The following SPINT2 variants were observed in gnomAD, a reference collection of about 807,000 sequenced individuals.
SPINT2 encodes the protein kunitz-type protease inhibitor 2.
A neutral mutation model predicts 30.1 loss-of-function variants in SPINT2; 18 were observed. That is an observed-to-expected ratio of 0.60 (90% CI 0.41 to 0.89). The LOEUF (loss-of-function observed/expected upper bound fraction) is 0.89, where lower values mean the gene tolerates loss of function less well. Ranked by LOEUF, SPINT2 falls within the 40% of genes least tolerant of loss-of-function variation. The probability of loss-of-function intolerance (pLI) is 0.00; values close to 1 mark genes in which losing one functional copy is unlikely to be tolerated. For missense variants in SPINT2, 276 were observed against 334.3 expected, an observed-to-expected ratio of 0.83 and a Z score of 1.36; for synonymous variants, 139 against 137.9, an observed-to-expected ratio of 1.01 and a Z score of -0.05.
At chr19:38,267,364 G>A (rs1191359967) in intron 1 of SPINT2, among the ~76,000 whole-genome samples, 1 of 152,214 alleles carries the variant, frequency 6.6e-6, no homozygotes, top group African/African-American at 2.4e-5. Context: ...GCTCCATGCA[G>A]TGGCTCAGGT....
intron 1 of SPINT2, among the ~76,000 whole-genome samples, chr19:38,275,321 G>A (rs1257404245): frequency 6.6e-6 from 1 of 151,996 alleles, no homozygotes; most frequent in Non-Finnish European, 1.5e-5. Context: ...AGCCAATAGA[G>A]TTTTTCTTTC....
chr19:38,280,963 T>G (rs1220485975), intron 1 of SPINT2, among the ~76,000 whole-genome samples: 1 of 152,202 alleles, frequency 6.6e-6, no homozygotes, highest in African/African-American at 2.4e-5. Flanking sequence ...CAGGGCTCAC[T>G]GTGGCAGGGC....
chr19:38,277,253 TG>T (rs976202689), intron 1 of SPINT2, among the ~76,000 whole-genome samples: 1 of 152,150 alleles, frequency 6.6e-6, no homozygotes, highest in African/African-American at 2.4e-5. Flanking sequence ...TTTGTTTTTT[TG>T]TTTTTTTGTT....
Position 38,292,032 on chromosome 19 carries a change from G to T in SPINT2, c.*26G>T. 1 of 1,613,230 alleles carries T rather than the reference G, an allele frequency of 6.2e-7. No individual in the cohort carries two copies. The highest frequency in any genetic ancestry group is 8.5e-7 in the Non-Finnish European group (1 of 1,179,732). Reference sequence around the variant, plus strand: ...CCGCCCTGTCGCCAAGAGGACTGGGGAAGGGAGGGGAGACTATGTGTGAGC... The same window carrying T: ...CCGCCCTGTCGCCAAGAGGACTGGGTAAGGGAGGGGAGACTATGTGTGAGC... On this transcript the variant is annotated 3_prime_UTR_variant, in exon 7 of 7. Coordinates refer to ENST00000301244, the MANE Select transcript of SPINT2 (RefSeq NM_021102.4).
At chr19:38,285,740 G>C (rs1421236626) in intron 2 of SPINT2, among the ~76,000 whole-genome samples, 3 of 152,018 alleles carry the variant, frequency 2.0e-5, no homozygotes, top group Non-Finnish European at 2.9e-5. Context: ...ATGTTTTTTT[G>C]ATGACTTGGT....
At chr19:38,272,752 CTG>C (rs545036576) in intron 1 of SPINT2, among the ~76,000 whole-genome samples, 78 of 152,274 alleles carry the variant, frequency 5.1e-4, no homozygotes, top group South Asian at 1.0e-3. Flanking sequence ...TATGGAGTCT[CTG>C]TCGCCCAGAC....
intron 1 of SPINT2, among the ~76,000 whole-genome samples, chr19:38,268,033 A>G (rs1968400853): frequency 6.6e-6 from 1 of 152,036 alleles, no homozygotes; most frequent in African/African-American, 2.4e-5. Flanking sequence ...AGGACATGGA[A>G]GATTTGCTCA....
chr19:38,288,892 T>C (rs1438361724), intron 3 of SPINT2: 1 of 535,960 alleles, frequency 1.9e-6, no homozygotes, highest in East Asian at 3.2e-5. Flanking sequence ...TATTAGGAGC[T>C]GTGGCAGGCT....
intron 1 of SPINT2, 77 bp downstream of exon 1, chr19:38,265,075 A>C: frequency 1.7e-6 from 2 of 1,143,758 alleles, no homozygotes; most frequent in Non-Finnish European, 2.4e-6. Context: ...CTGAGCAGGG[A>C]GAACTGGCGG....
At chr19:38,278,284 C>G (rs1462797092) in intron 1 of SPINT2, among the ~76,000 whole-genome samples, 1 of 152,180 alleles carries the variant, frequency 6.6e-6, no homozygotes. Flanking sequence ...TTCTGTTTTC[C>G]TGCTGCCTGT....
Position 38,289,138 on chromosome 19 carries a change from C to T in SPINT2, c.338C>T (p.Ala113Val). The change falls in exon 4 of 7, where the codon GCT (alanine) becomes GTT (valine). Residue 113 changes from alanine (A) to valine (V), a missense_variant and splice_region_variant. Coordinates refer to ENST00000301244, the MANE Select transcript of SPINT2 (RefSeq NM_021102.4). Reference protein sequence around the residue: ...RNAADSSVPSAPRRQDSEDHS... With the variant: ...RNAADSSVPSVPRRQDSEDHS... ...CCTAACACAGATGTTTGTGTTTCAG[C>T]TCCCAGAAGGCAGGATTCTGAAGAC... is the stretch of plus-strand genomic sequence containing the variant. The T allele has an allele frequency of 1.2e-6, 2 of 1,613,952 alleles. No homozygotes were observed. The highest frequency in any genetic ancestry group is 1.1e-5 in the South Asian group (1 of 91,078).
At chr19:38,286,855 G>A (rs1306481740) in intron 2 of SPINT2, among the ~76,000 whole-genome samples, 1 of 152,158 alleles carries the variant, frequency 6.6e-6, no homozygotes, top group East Asian at 1.9e-4. Flanking sequence ...CCCCCAAAGA[G>A]ATTAGGTCTT....
At chr19:38,270,320 AG>A (rs1347391783) in intron 1 of SPINT2, among the ~76,000 whole-genome samples, 2 of 152,188 alleles carry the variant, frequency 1.3e-5, no homozygotes, top group Non-Finnish European at 2.9e-5. Flanking sequence ...TCCTACTTGC[AG>A]GCAAGGCAGT....
At chr19:38,267,037 G>T (rs1968387181) in intron 1 of SPINT2, among the ~76,000 whole-genome samples, 1 of 152,158 alleles carries the variant, frequency 6.6e-6, no homozygotes, top group African/African-American at 2.4e-5. Context: ...GCCGGGTGCG[G>T]TGGTGAAGTT....
At chr19:38,270,742 CT>C (rs1568338596) in intron 1 of SPINT2, among the ~76,000 whole-genome samples, 1 of 152,238 alleles carries the variant, frequency 6.6e-6, no homozygotes, top group African/African-American at 2.4e-5. Flanking sequence ...GCTCCCCACC[CT>C]GTTTCTCATT....
At chr19:38,286,201 T>C (rs148974791) in intron 2 of SPINT2, among the ~76,000 whole-genome samples, 18 of 152,160 alleles carry the variant, frequency 1.2e-4, no homozygotes, top group African/African-American at 4.3e-4. Context: ...GCAGGCTCTG[T>C]GGGAAGGCAA....
intron 1 of SPINT2, 145 bp from the exon 2 acceptor site, chr19:38,283,482 G>C: frequency 1.0e-6 from 1 of 980,716 alleles, no homozygotes; most frequent in Non-Finnish European, 1.6e-6. Flanking sequence ...GCCTGTTGAC[G>C]ATCTGGGCTT....
At chr19:38,265,194 C>T (rs1329691222) in intron 1 of SPINT2, 196 bp downstream of exon 1, 5 of 544,008 alleles carry the variant, frequency 9.2e-6, no homozygotes, top group East Asian at 3.2e-5. Context: ...CGAAGACGGG[C>T]GGAGGAGCGA....
At position 38,287,487 on chromosome 19, in the gene SPINT2, G is replaced by T. The variant is rs573164606; in HGVS notation, c.278-389G>T. 2.0e-5 allele frequency among the ~76,000 whole-genome samples: 3 copies of T among 151,962 alleles called. No individual in the cohort carries two copies. The South Asian group carries it at 6.2e-4, about 32-fold the overall frequency. On this transcript the variant is annotated intron_variant, in intron 2 of 6. Transcript: ENST00000301244. The stretch of plus-strand genomic sequence containing the variant: ...GCTGGGATTACAGGCGTAAGCCACC[G>T]CACCCGGCCCTAACTTTTGTATTTT...
Sources: allele counts gnomAD v4.1 joint callset (sites outside exome capture counted in the v4.1 genomes callset), GRCh38; gene constraint gnomAD v4.1.1; transcripts MANE v1.5; gene names NCBI Gene and HGNC (gene_info 2026-07-23, HGNC 2026-07-21).